Variants in TRPM6 observed in about 807,000 individuals in gnomAD.
TRPM6 encodes channel kinase 2.
In TRPM6, 111 loss-of-function variants were observed where a neutral mutation model predicts 247.6. The observed-to-expected ratio is 0.45, with a 90% CI of 0.38 to 0.52. The LOEUF is 0.52. TRPM6 is among the 20% of genes least tolerant of loss of function. TRPM6 has a pLI of 0.00. For synonymous variants in TRPM6, 892 were observed against 853.8 expected, an observed-to-expected ratio of 1.04 and a Z score of -0.78; for missense variants, 2,126 against 2,421.5, an observed-to-expected ratio of 0.88 and a Z score of 2.56.
In TRPM6 at chr9:74,800,465, G is replaced by C; in HGVS notation, c.2027C>G (p.Ala676Gly). 2 of 1,613,906 alleles carry C rather than the reference G, an allele frequency of 1.2e-6. No homozygotes were observed. The highest frequency in any genetic ancestry group is 1.1e-5 in the South Asian group (1 of 91,068). ...KNYSKQFGQL[A>G]LDLLEKAFKQ... ...GAATGCCTTCTCCAACAAGTCCAGA[G>C]CCAGCTGGCCAAACTGTCTGCCATG... Residue 676 changes from alanine to glycine, a missense_variant, in exon 17 of 39, where the codon GCT (alanine) becomes GGT (glycine). Physicochemically the swap from Ala to Gly is moderately conservative, Grantham distance 60. This residue lies in a region of TRPM6 where 1,082 missense variants were observed against 1,307.9 expected (regional missense o/e 0.83). Coordinates refer to ENST00000360774, the MANE Select transcript of TRPM6 (RefSeq NM_017662.5).
At chr9:74,801,064 G>C (rs576001552) in intron 16 of TRPM6, among the ~76,000 whole-genome samples, 50 of 151,290 alleles carry the variant, frequency 3.3e-4, no homozygotes, top group Middle Eastern at 3.4e-3. Context: ...GATTTTCGAG[G>C]AGAATGTTTC....
intron 38 of TRPM6, among the ~76,000 whole-genome samples, chr9:74,725,531 G>A (rs1343401538): frequency 1.3e-5 from 2 of 152,152 alleles, no homozygotes; most frequent in Non-Finnish European, 2.9e-5. Flanking sequence ...ATTCCCACGT[G>A]TCATGGGGGG....
At chr9:74,827,719 A>G in intron 7 of TRPM6, 59 bp downstream of exon 7, 1 of 1,571,146 alleles carries the variant, frequency 6.4e-7, no homozygotes, top group Non-Finnish European at 8.8e-7. Flanking sequence ...AGGGAAGACC[A>G]TGAAAGACCT....
At chr9:74,741,927 C>T (rs960463593) in intron 33 of TRPM6, among the ~76,000 whole-genome samples, 9 of 151,798 alleles carry the variant, frequency 5.9e-5, no homozygotes, top group Non-Finnish European at 1.3e-4. Context: ...TAAATAAAAA[C>T]AATCAGAAGC....
intron 21 of TRPM6, 148 bp from the exon 22 acceptor site, chr9:74,783,001 T>C: frequency 1.3e-6 from 1 of 761,814 alleles, no homozygotes; most frequent in Non-Finnish European, 2.2e-6. Flanking sequence ...ACAGCTAGAC[T>C]TTCTTTGGCT....
chr9:74,798,318 G>T (rs147318559), intron 17 of TRPM6, among the ~76,000 whole-genome samples: 89 of 147,908 alleles, frequency 6.0e-4, no homozygotes, highest in African/African-American at 2.1e-3. Context: ...TTTAAAGCTT[G>T]ATCTCCTAGG....
chr9:74,816,673 C>T lies in TRPM6; in HGVS notation c.1304G>A (p.Trp435Ter). The change falls in exon 11 of 39, where the codon TGG becomes TAG. Residue 435 changes from tryptophan to a stop codon, truncating the protein, a stop_gained. Transcript: ENST00000360774. LOFTEE classifies it high-confidence loss of function. ...KKHILIYEQH[W>*]KPDALEQAMS... ...ATAACTTCATTTTCACTATACCTTC[C>T]AGTGTTGTTCATAAATTAGGATATG... 6.2e-7 allele frequency: 1 copy of T among 1,612,768 alleles called. No individual in the cohort carries two copies. Among genetic ancestry groups the T allele is most frequent in the Non-Finnish European group, 8.5e-7 (1 of 1,178,914 alleles).
intron 9 of TRPM6, 107 bp downstream of exon 9, chr9:74,820,197 C>T (rs1234100161): frequency 9.2e-6 from 12 of 1,307,306 alleles, no homozygotes; most frequent in African/African-American, 1.5e-5. Context: ...TATGTTGTTC[C>T]CCTTCCTGTG....
intron 1 of TRPM6, among the ~76,000 whole-genome samples, chr9:74,874,739 T>G (rs1452307862): frequency 2.0e-5 from 3 of 151,276 alleles, no homozygotes; most frequent in Non-Finnish European, 4.4e-5. Context: ...ACTCAAATGC[T>G]CATAACATTT....
intron 38 of TRPM6, among the ~76,000 whole-genome samples, chr9:74,727,665 G>A (rs1333235964): frequency 6.6e-6 from 1 of 152,106 alleles, no homozygotes; most frequent in African/African-American, 2.4e-5. Context: ...CCATTTGGAG[G>A]GCACAGGCCT....
At chr9:74,812,588 A>C (rs1478697261) in intron 11 of TRPM6, among the ~76,000 whole-genome samples, 155 bp from the exon 12 acceptor site, 1 of 151,888 alleles carries the variant, frequency 6.6e-6, no homozygotes, top group Non-Finnish European at 1.5e-5. Context: ...AAAGGAAAAA[A>C]TTTAAATACA....
chr9:74,802,247 C>T, intron 15 of TRPM6, 72 bp from the exon 16 acceptor site: 1 of 1,399,528 alleles, frequency 7.1e-7, no homozygotes, highest in Non-Finnish European at 1.0e-6. Context: ...TTCAACACAG[C>T]AGGTGTCCTA....
chr9:74,834,575 T>C (rs1362634357), intron 5 of TRPM6, among the ~76,000 whole-genome samples: 1 of 151,998 alleles, frequency 6.6e-6, no homozygotes, highest in Non-Finnish European at 1.5e-5. Context: ...TAACTCCTCC[T>C]TTAGGTATTT....
At position 74,747,902 on chromosome 9, in the gene TRPM6, T is replaced by A. The variant is rs562541518; in HGVS notation, c.5070A>T (p.Ser1690=). The part of the protein sequence containing the change: ...NLNRNSLLKS[S]IGVDKISASL... ...AGAAAAACTTACTGTCAACTCCAATTGAACTTTTCAGCCTGTTTGAAAAAA... is the reference window on the plus strand; with the variant it reads ...AGAAAAACTTACTGTCAACTCCAATAGAACTTTTCAGCCTGTTTGAAAAAA... The change falls in exon 31 of 39, where the codon TCA becomes TCT. Residue 1690 remains serine (S), a synonymous_variant. Transcript: ENST00000360774. 21 of 1,611,276 alleles carry A rather than the reference T, an allele frequency of 1.3e-5. No homozygotes were observed. In the South Asian group the frequency reaches 2.2e-4, roughly 17 times the overall value.
In TRPM6 at chr9:74,839,224, T is replaced by A. The variant is rs1475717; in HGVS notation, c.544+800A>T. 2.1e-3 allele frequency among the ~76,000 whole-genome samples: 324 copies of A among 152,132 alleles called. 6 individuals carry two copies. Among genetic ancestry groups the A allele is most frequent in the African/African-American group, 7.4e-3 (307 of 41,504 alleles). Reference sequence around the variant, plus strand: ...CTGGCTGACATACTTCAGAAGCTCCTGACTAAAAGCCTCTAATTCATCTGG... The same window carrying A: ...CTGGCTGACATACTTCAGAAGCTCCAGACTAAAAGCCTCTAATTCATCTGG... On this transcript the variant is annotated intron_variant, in intron 5 of 38. Transcript: ENST00000360774.
At position 74,761,677 on chromosome 9, in the gene TRPM6, A is replaced by G. The variant is rs1312398289; in HGVS notation, c.4785+19T>C. On this transcript the variant is annotated intron_variant, in intron 27 of 38. Coordinates refer to ENST00000360774, the MANE Select transcript of TRPM6 (RefSeq NM_017662.5). ...CTTGACTGCTCAAAACCTAAAAGAC[A>G]GAATAACAGTACACTTACTGGCACC... 2 of 1,492,784 alleles carry G rather than the reference A, an allele frequency of 1.3e-6. No homozygotes were observed. Among genetic ancestry groups the G allele is most frequent in the Admixed American group, 3.3e-5 (2 of 59,828 alleles). 92.5% of individuals were successfully genotyped at this position (1,492,784 alleles called of 1,614,324 possible).
intron 31 of TRPM6, 131 bp downstream of exon 31, chr9:74,747,758 T>C (rs1826099888): frequency 1.3e-6 from 1 of 767,602 alleles, no homozygotes; most frequent in African/African-American, 1.8e-5. Flanking sequence ...TCTACTGAAC[T>C]TTCTACATTG....
chr9:74,799,040 C>T (rs187258335), intron 17 of TRPM6, among the ~76,000 whole-genome samples: 1 of 152,138 alleles, frequency 6.6e-6, no homozygotes, highest in African/African-American at 2.4e-5. Context: ...AGAGGTGAAC[C>T]CATTCACATC....
chr9:74,801,759 AC>A (rs1828346685), intron 16 of TRPM6, 138 bp downstream of exon 16: 4 of 1,040,984 alleles, frequency 3.8e-6, no homozygotes, highest in Non-Finnish European at 5.7e-6. Context: ...ATACCTGAAG[AC>A]CCTTTTAACA....
Sources: allele counts gnomAD v4.1 joint callset (sites outside exome capture counted in the v4.1 genomes callset), GRCh38; gene constraint gnomAD v4.1.1; regional missense constraint gnomAD v4.1.1; transcripts MANE v1.5; gene names NCBI Gene and HGNC (gene_info 2026-07-23, HGNC 2026-07-21).